Variants in LIMS2 observed in about 807,000 individuals in gnomAD.
The protein encoded by LIMS2 is LIM and senescent cell antigen-like-containing domain protein 2.
Under a neutral mutation model 45.3 loss-of-function variants are expected in LIMS2, and 30 were observed. The observed-to-expected ratio is 0.66, with a 90% CI of 0.50 to 0.90. LIMS2 has a LOEUF of 0.90. Ranked by LOEUF, LIMS2 falls within the 40% of genes least tolerant of loss-of-function variation. The pLI is 0.00. For missense variants in LIMS2, 485 were observed against 468.7 expected, an observed-to-expected ratio of 1.03 and a Z score of -0.32; for synonymous variants, 173 against 188.0, an observed-to-expected ratio of 0.92 and a Z score of 0.65.
intron 1 of LIMS2, among the ~76,000 whole-genome samples, chr2:127,660,621 A>G (rs1004461981): frequency 3.3e-5 from 5 of 152,202 alleles, no homozygotes; most frequent in Non-Finnish European, 4.4e-5. Flanking sequence ...GACATATCTG[A>G]ACGTCTGAAG....
rs902051248 is a variant in LIMS2, at chr2:127,654,528, G to A, written c.255C>T (p.Gly85=). ...CCGSCGEFII[G]RVIKAMNNNW... is the part of the protein sequence containing the mutation. ...TGTTGTTCATGGCCTTGATGACGCG[G>A]CCAATGATGAACTCACCTGGAAGAA... is the stretch of plus-strand genomic sequence containing the variant. Residue 85 remains glycine, a synonymous_variant, in exon 4 of 10, where the codon GGC becomes GGT. Transcript: ENST00000355119. 2 of 1,614,148 alleles carry A rather than the reference G, an allele frequency of 1.2e-6. No homozygotes were observed. The highest frequency in any genetic ancestry group is 1.7e-6 in the Non-Finnish European group (2 of 1,180,010).
intron 1 of LIMS2, among the ~76,000 whole-genome samples, chr2:127,662,377 A>T (rs1267636286): frequency 6.6e-6 from 1 of 151,978 alleles, no homozygotes; most frequent in Non-Finnish European, 1.5e-5. Flanking sequence ...ACCCTACTGC[A>T]GCACAGCCCA....
intron 1 of LIMS2, among the ~76,000 whole-genome samples, chr2:127,663,790 C>A (rs1276559990): frequency 6.6e-6 from 1 of 152,170 alleles, no homozygotes; most frequent in East Asian, 1.9e-4. Context: ...TCCTCATGCC[C>A]CTGACCCCAA....
intron 4 of LIMS2, chr2:127,643,624 T>C: frequency 2.2e-6 from 1 of 456,348 alleles, no homozygotes; most frequent in Non-Finnish European, 4.4e-6. Context: ...CAGAGTCTTT[T>C]TGTGAAGACC....
At chr2:127,651,299 G>A (rs775621335) in intron 4 of LIMS2, 2 of 1,608,638 alleles carry the variant, frequency 1.2e-6, no homozygotes. Context: ...ACCGGGAGAA[G>A]GCCTCCCACC....
chr2:127,677,240 C>A (rs538678637), upstream of LIMS2, among the ~76,000 whole-genome samples: 1 of 152,164 alleles, frequency 6.6e-6, no homozygotes, highest in Non-Finnish European at 1.5e-5. This position sits in a 1 kb window ranked among gnomAD's most constrained non-coding sequence, Gnocchi z 5.0. Context: ...GTATTTATAC[C>A]GCATGGGCAC....
intron 1 of LIMS2, among the ~76,000 whole-genome samples, chr2:127,668,194 C>T (rs150365533): frequency 3.5e-4 from 54 of 152,180 alleles, no homozygotes; most frequent in Middle Eastern, 3.4e-3. Flanking sequence ...AAAGATATCC[C>T]ATGTTCATGG....
At position 127,642,823 on chromosome 2, in the gene LIMS2, C is replaced by T. The variant is rs961985156; in HGVS notation, c.509+100G>A. On this transcript the variant is annotated intron_variant, in intron 5 of 9. Transcript: ENST00000355119. This position sits in a 1 kb window ranked among gnomAD's most constrained non-coding sequence, Gnocchi z 5.3. The stretch of plus-strand genomic sequence containing the variant: ...CTGTCTGCCCACCCTGCTCCCCTCT[C>T]CCTCCTCAACACTTCCCCAGGTGGA... The T allele has an allele frequency of 6.0e-6, 8 of 1,338,198 alleles. No homozygotes were observed. The highest frequency in any genetic ancestry group is 1.5e-5 in the African/African-American group (1 of 68,820). 82.9% of individuals were successfully genotyped at this position (1,338,198 alleles called of 1,614,324 possible). A position where few individuals can be genotyped will look rare whatever the true frequency, so the allele number is the denominator to read the frequency against.
chr2:127,646,497 C>T (rs192242819), intron 4 of LIMS2: 7 of 152,390 alleles, frequency 4.6e-5, no homozygotes, highest in African/African-American at 1.2e-4. Context: ...ATGACAGCAC[C>T]GCTGCCCCTA....
At chr2:127,660,918 T>C (rs1684599390) in intron 1 of LIMS2, among the ~76,000 whole-genome samples, 1 of 64,596 alleles carries the variant, frequency 1.5e-5, no homozygotes, top group African/African-American at 6.3e-5. Flanking sequence ...AAGCGTGGCA[T>C]AGGTGGGGGT....
chr2:127,674,658 T>C, intron 1 of LIMS2: 13 of 984,254 alleles, frequency 1.3e-5, no homozygotes, highest in Non-Finnish European at 1.4e-5. Context: ...TCGGGGAAGT[T>C]GGGGGAGGCA....
chr2:127,651,949 T>TTGTGATGG (rs1336577527), intron 4 of LIMS2: 29 of 623,826 alleles, frequency 4.6e-5, no homozygotes, highest in Non-Finnish European at 8.1e-5. Flanking sequence ...CGGCCACCCC[T>TTGTGATGG]CTGCAGGGGC....
chr2:127,656,599 C>A (rs947878833), intron 2 of LIMS2, among the ~76,000 whole-genome samples: 4 of 151,924 alleles, frequency 2.6e-5, no homozygotes, highest in Non-Finnish European at 5.9e-5. Context: ...ATTTTTAGTA[C>A]AGACAGGGTT....
chr2:127,676,153 T>C (rs1000189411), upstream of LIMS2, among the ~76,000 whole-genome samples: 1 of 152,248 alleles, frequency 6.6e-6, no homozygotes, highest in African/African-American at 2.4e-5. Context: ...GCAGCTCATC[T>C]TTGGAAGCAG....
At chr2:127,660,435 T>G (rs1684550438) in intron 1 of LIMS2, among the ~76,000 whole-genome samples, 1 of 152,096 alleles carries the variant, frequency 6.6e-6, no homozygotes, top group Non-Finnish European at 1.5e-5. Context: ...ACAGCGAAGG[T>G]CTGCAGTTTC....
rs973370983 is a variant in LIMS2, at chr2:127,671,344, A to C, written c.11+3670T>G. On this transcript the variant is annotated intron_variant, in intron 1 of 9. Coordinates refer to ENST00000355119, the MANE Select transcript of LIMS2 (RefSeq NM_001161403.3). The surrounding 1 kb of genome is among the most constrained non-coding windows in gnomAD (Gnocchi z 4.1). Reference sequence around the variant, plus strand: ...GCTACTTGGGAGGCTGAGGCAAGAGAATTGCTTGAACCTGGGAGGCAGAGG... The same window carrying C: ...GCTACTTGGGAGGCTGAGGCAAGAGCATTGCTTGAACCTGGGAGGCAGAGG... 6.6e-6 allele frequency among the ~76,000 whole-genome samples: 1 copy of C among 151,910 alleles called. No homozygotes were observed. Among genetic ancestry groups the C allele is most frequent in the African/African-American group, 2.4e-5 (1 of 41,330 alleles).
At position 127,642,719 on chromosome 2, in the gene LIMS2, G is replaced by A. The variant is rs1682560823; in HGVS notation, c.509+204C>T. Reference sequence around the variant, plus strand: ...TCAAGTGCCCCCCAAACAGAGCCCTGGAGAGAGAAGCTTCCTGCCATGGCT... The same window carrying A: ...TCAAGTGCCCCCCAAACAGAGCCCTAGAGAGAGAAGCTTCCTGCCATGGCT... On this transcript the variant is annotated intron_variant, in intron 5 of 9. Transcript: ENST00000355119. This position sits in a 1 kb window ranked among gnomAD's most constrained non-coding sequence, Gnocchi z 5.3. The A allele has an allele frequency of 4.9e-6, 3 of 612,196 alleles. No individual in the cohort carries two copies. Among genetic ancestry groups the A allele is most frequent in the Non-Finnish European group, 5.7e-6 (2 of 353,748 alleles). 37.9% of individuals were successfully genotyped at this position (612,196 alleles called of 1,614,324 possible).
chr2:127,669,723 A>T (rs1183237088), intron 1 of LIMS2, among the ~76,000 whole-genome samples: 1 of 152,140 alleles, frequency 6.6e-6, no homozygotes, highest in Admixed American at 6.5e-5. Context: ...ATCTTAAAAA[A>T]AAAAAATTTG....
chr2:127,646,830 T>C (rs1156845583), intron 4 of LIMS2, among the ~76,000 whole-genome samples: 8 of 152,216 alleles, frequency 5.3e-5, no homozygotes, highest in Admixed American at 5.2e-4. Flanking sequence ...GACTGAAGTT[T>C]GTGTTTCTAA....
Sources: allele counts gnomAD v4.1 joint callset (sites outside exome capture counted in the v4.1 genomes callset), GRCh38; gene constraint gnomAD v4.1.1; non-coding constraint Gnocchi (gnomAD v3.1); transcripts MANE v1.5; gene names NCBI Gene and HGNC (gene_info 2026-07-23, HGNC 2026-07-21).